MX1: variants seen among roughly 807,000 people sequenced by gnomAD.
MX1 encodes the protein MX dynamin like GTPase 1.
In MX1, 66 loss-of-function variants were observed where a neutral mutation model predicts 66.4. That is an observed-to-expected ratio of 0.99 (90% confidence interval 0.82 to 1.22). The LOEUF (loss-of-function observed/expected upper bound fraction) is 1.22, where lower values mean the gene tolerates loss of function less well. MX1 is among the 50% of genes most tolerant of loss of function. The pLI, the probability that MX1 is intolerant of heterozygous loss-of-function variation, is 0.00. For missense variants in MX1, 787 were observed against 834.3 expected (o/e 0.94, Z 0.70); for synonymous variants, 311 against 318.1 (o/e 0.98, Z 0.24).
chr21:41,437,582 A>G (rs554000513), intron 7 of MX1, among the ~76,000 whole-genome samples: 1 of 152,356 alleles, frequency 6.6e-6, no homozygotes, highest in Admixed American at 6.5e-5. Context: ...TCAAGGCTGC[A>G]GTGAGCCGTG....
exon 1 of MX1, chr21:41,420,695 ATT>A (rs905695455): frequency 6.6e-5 from 10 of 152,446 alleles, no homozygotes; most frequent in African/African-American, 2.2e-4. Context: ...TTCCCCATTC[ATT>A]CCAGAAGCAC....
At chr21:41,449,415 C>T (rs2090762879) in intron 14 of MX1, 120 bp downstream of exon 14, 1 of 962,916 alleles carries the variant, frequency 1.0e-6, no homozygotes. Flanking sequence ...ACGAGCAAAC[C>T]TCTCATTCTC....
At chr21:41,452,492 G>A (rs2090856943) in intron 15 of MX1, 129 bp from the exon 16 acceptor site, 1 of 1,047,660 alleles carries the variant, frequency 9.5e-7, no homozygotes, top group Non-Finnish European at 1.4e-6. Flanking sequence ...GGCCCAGAGG[G>A]CTGTTCCAGG....
chr21:41,446,548 G>A (rs1164615463), intron 13 of MX1, among the ~76,000 whole-genome samples: 1 of 152,158 alleles, frequency 6.6e-6, no homozygotes, highest in Non-Finnish European at 1.5e-5. Context: ...AAATATGTAT[G>A]TACCTTAGTT....
rs79910037 is a variant in MX1, at chr21:41,441,639, G to A, written c.731-77G>A. On this transcript the variant is annotated intron_variant, in intron 9 of 16. Transcript: ENST00000398598. The surrounding 1 kb of genome is among the most constrained non-coding windows in gnomAD (Gnocchi z 4.0). Reference sequence around the variant, plus strand: ...GGATGGGAGGAAACCCTGGGAGGCCGGGGGCGTGAGCAGTTGTTCGTTCAC... The same window carrying A: ...GGATGGGAGGAAACCCTGGGAGGCCAGGGGCGTGAGCAGTTGTTCGTTCAC... 3,561 of 1,464,044 alleles carry A rather than the reference G, an allele frequency of 2.4e-3. 64 individuals carry two copies. In the African/African-American group the frequency reaches 0.033, roughly 14 times the overall value. The allele number at this position is 1,464,044 out of a possible 1,614,324, so 90.7% of individuals were successfully genotyped here. A position where few individuals can be genotyped will look rare whatever the true frequency, so the allele number is the denominator to read the frequency against.
At chr21:41,440,674 G>T (rs1000955499) in intron 8 of MX1, among the ~76,000 whole-genome samples, 18 of 152,168 alleles carry the variant, frequency 1.2e-4, no homozygotes, top group Non-Finnish European at 2.4e-4. Flanking sequence ...TGAGCCTATA[G>T]CTCTGCTTCT....
chr21:41,430,463 C>CAGCCTTGGGAA (rs1436866144), intron 3 of MX1, 70 bp from the exon 4 acceptor site: 4 of 137,002 alleles, frequency 2.9e-5, no homozygotes, highest in Admixed American at 7.2e-5. Flanking sequence ...GGGAATGGGA[C>CAGCCTTGGGAA]TGGGTGGGTG....
chr21:41,444,318 C>CTTTTTTTTTTTTTTTTTTTTTTTTTT (rs11317486), intron 11 of MX1, among the ~76,000 whole-genome samples: 1 of 71,536 alleles, frequency 1.4e-5, no homozygotes, highest in African/African-American at 6.1e-5. Context: ...TCTTTTCTTT[C>CTTTTTTTTTTTTTTTTTTTTTTTTTT]TTTTTTTTTT....
intron 12 of MX1, 37 bp downstream of exon 12, chr21:41,445,607 A>G: frequency 8.1e-6 from 13 of 1,612,704 alleles, no homozygotes; most frequent in Non-Finnish European, 1.1e-5. Context: ...GGAGAAGCAC[A>G]TGTCATGGTC....
At chr21:41,452,217 G>A (rs561814946) in intron 15 of MX1, among the ~76,000 whole-genome samples, 16 of 152,250 alleles carry the variant, frequency 1.1e-4, no homozygotes, top group Admixed American at 5.9e-4. Context: ...TCTAAACCCC[G>A]GGAACATAAA....
upstream of MX1, among the ~76,000 whole-genome samples, chr21:41,424,312 TG>T (rs1240083968): frequency 6.6e-6 from 1 of 151,852 alleles, no homozygotes; most frequent in African/African-American, 2.4e-5. Context: ...TCCCCTTGGA[TG>T]AACCCCTTGG....
intron 14 of MX1, among the ~76,000 whole-genome samples, chr21:41,450,106 C>A (rs1435677420): frequency 1.3e-5 from 2 of 152,166 alleles, no homozygotes; most frequent in African/African-American, 2.4e-5. Context: ...CACCACACCT[C>A]CCCCCTGCTC....
Position 41,439,708 on chromosome 21 carries a change from G to T in MX1, c.451G>T (p.Ala151Ser), listed in dbSNP as rs140022520. 2 of 1,613,554 alleles carry T rather than the reference G, an allele frequency of 1.2e-6. No individual in the cohort carries two copies. The highest frequency in any genetic ancestry group is 2.7e-5 in the African/African-American group (2 of 74,882). ...KEINKAQNAI[A>S]GEGMGISHEL... ...CTCTTTTCTAGCCCAGAATGCCATC[G>T]CCGGGGAAGGAATGGGAATCAGTCA... is the stretch of plus-strand genomic sequence containing the variant. Residue 151 changes from alanine (A) to serine (S), a missense_variant, in exon 8 of 17, where the codon GCC (alanine) becomes TCC (serine). Transcript: ENST00000398598.
chr21:41,431,754 G>A (rs542897671), intron 4 of MX1: 193 of 275,640 alleles, frequency 7.0e-4, no homozygotes, highest in African/African-American at 3.5e-3. Context: ...GATTACAGGC[G>A]TGAGCCCCGG....
In MX1 at chr21:41,437,130, G is replaced by A; in HGVS notation, c.414G>A (p.Glu138=). The change falls in exon 7 of 17, where the codon GAG becomes GAA. Residue 138 remains glutamate, a synonymous_variant. Transcript: ENST00000398598. ...DYEIEISDAS[E]VEKEINKAQN... ...AGATTGAGATTTCGGATGCTTCAGA[G>A]GTAGAAAAGGAAATTAATAAAGGTG... 1.2e-6 allele frequency: 2 copies of A among 1,613,972 alleles called. No individual in the cohort carries two copies. The highest frequency in any genetic ancestry group is 1.7e-6 in the Non-Finnish European group (2 of 1,179,932).
chr21:41,436,932 A>C, intron 6 of MX1, 83 bp from the exon 7 acceptor site: 1 of 1,523,472 alleles, frequency 6.6e-7, no homozygotes, highest in South Asian at 1.2e-5. Context: ...TGATTGTATA[A>C]AAGTTTGAGA....
intron 2 of MX1, among the ~76,000 whole-genome samples, 159 bp downstream of exon 2, chr21:41,427,463 A>G (rs1354716531): frequency 6.6e-6 from 1 of 152,378 alleles, no homozygotes; most frequent in Non-Finnish European, 1.5e-5. Flanking sequence ...GAATTGGCAC[A>G]TGTATACCTA....
chr21:41,452,984 C>T, intron 16 of MX1, 115 bp downstream of exon 16: 2 of 1,243,714 alleles, frequency 1.6e-6, no homozygotes, highest in South Asian at 1.4e-5. Context: ...TGTCGTTTAC[C>T]TCCTTGTTAG....
chr21:41,423,987 C>G (rs967999575), upstream of MX1, among the ~76,000 whole-genome samples: 1 of 152,168 alleles, frequency 6.6e-6, no homozygotes, highest in Non-Finnish European at 1.5e-5. Context: ...GCCTGCAGCT[C>G]TTTCTGATTT....
Sources: allele counts gnomAD v4.1 joint callset (sites outside exome capture counted in the v4.1 genomes callset), GRCh38; gene constraint gnomAD v4.1.1; non-coding constraint Gnocchi (gnomAD v3.1); transcripts MANE v1.5; gene names NCBI Gene and HGNC (gene_info 2026-07-23, HGNC 2026-07-21).